Variants in FBXW7 observed in about 807,000 individuals in gnomAD.
FBXW7 encodes the protein F-box and WD repeat domain containing 7.
Under a neutral mutation model 86.3 loss-of-function variants are expected in FBXW7, and 11 were observed. That is an observed-to-expected ratio of 0.13 (90% CI 0.08 to 0.21). FBXW7 has a LOEUF of 0.21. Ranked by LOEUF, FBXW7 falls within the 10% of genes least tolerant of loss-of-function variation. FBXW7 has a pLI of 1.00. For missense variants in FBXW7, 488 were observed against 847.4 expected (o/e 0.58, Z 5.27); for synonymous variants, 313 against 297.9 (o/e 1.05, Z -0.52).
chr4:152,373,732 T>C (rs566288059), intron 4 of FBXW7, among the ~76,000 whole-genome samples: 73 of 152,160 alleles, frequency 4.8e-4, no homozygotes, highest in South Asian at 1.2e-3. Flanking sequence ...CTGACAGTAC[T>C]TTGTACGTAG....
At chr4:152,397,599 A>G (rs1178685281) in intron 4 of FBXW7, among the ~76,000 whole-genome samples, 1 of 150,222 alleles carries the variant, frequency 6.7e-6, no homozygotes, top group Non-Finnish European at 1.5e-5. Context: ...AAGAGCCTGA[A>G]CAGTCTTACT....
intron 2 of FBXW7, among the ~76,000 whole-genome samples, chr4:152,468,938 G>A (rs1743696980): frequency 1.3e-5 from 2 of 151,918 alleles, no homozygotes; most frequent in African/African-American, 4.8e-5. Flanking sequence ...CTGTTTAAGA[G>A]ATCTCTGTGG....
At chr4:152,357,324 TC>T (rs201299298) in intron 4 of FBXW7, among the ~76,000 whole-genome samples, 2,470 of 151,762 alleles carry the variant, frequency 0.016, 41 homozygotes, top group East Asian at 0.043. Flanking sequence ...AGTAGTTTTT[TC>T]TTTTTTTTTT....
intron 4 of FBXW7, among the ~76,000 whole-genome samples, chr4:152,355,561 A>G (rs1304395944): frequency 6.6e-6 from 1 of 152,168 alleles, no homozygotes; most frequent in Non-Finnish European, 1.5e-5. Flanking sequence ...TTTCATTACA[A>G]TAATTTTCAT....
rs749701779 is a variant in FBXW7, at chr4:152,323,004, C to A, written c.2001G>T (p.Gly667=). ...TGATCCGCCACACAACTCCCCCACT[C>A]CCCCCACTCTCCAATGTGACTAGGT... The part of the protein sequence containing the change: ...IRNLVTLESG[G]SGGVVWRIRA... The change falls in exon 14 of 14, where the codon GGG becomes GGT. Residue 667 remains glycine, a synonymous_variant. Coordinates refer to ENST00000281708, the MANE Select transcript of FBXW7 (RefSeq NM_001349798.2). The A allele has an allele frequency of 3.1e-6, 5 of 1,613,812 alleles. No homozygotes were observed. The highest frequency in any genetic ancestry group is 1.7e-4 in the Middle Eastern group (1 of 6,060).
chr4:152,447,830 A>C (rs949356058), intron 2 of FBXW7, among the ~76,000 whole-genome samples: 4 of 152,198 alleles, frequency 2.6e-5, no homozygotes, highest in African/African-American at 9.7e-5. Flanking sequence ...CTAGAGTCTG[A>C]AGCTAATGAA....
At chr4:152,443,777 T>C (rs1741120828) in intron 2 of FBXW7, among the ~76,000 whole-genome samples, 2 of 152,220 alleles carry the variant, frequency 1.3e-5, no homozygotes, top group African/African-American at 2.4e-5. Flanking sequence ...GGGGTCCTTA[T>C]ACTAGCTTAA....
intron 6 of FBXW7, among the ~76,000 whole-genome samples, chr4:152,338,912 T>C (rs944950108): frequency 8.5e-5 from 13 of 152,116 alleles, no homozygotes; most frequent in African/African-American, 2.9e-4. Flanking sequence ...GGTTTTCAGC[T>C]AAAAAGATCT....
intron 2 of FBXW7, among the ~76,000 whole-genome samples, chr4:152,466,094 A>G (rs1177727565): frequency 6.6e-6 from 1 of 152,210 alleles, no homozygotes; most frequent in Non-Finnish European, 1.5e-5. Context: ...TCAACCTTAC[A>G]CAGAAAGCTA....
intron 4 of FBXW7, chr4:152,352,638 C>T (rs1731936043): frequency 6.2e-7 from 1 of 1,613,502 alleles, no homozygotes; most frequent in Admixed American, 1.7e-5. Flanking sequence ...TCAGGCACGT[C>T]AGAAAAGGAA....
At position 152,535,312 on chromosome 4, in the gene FBXW7, A is replaced by AG. The variant is rs1418158595; in HGVS notation, c.-399dup. 7.1e-6 allele frequency: 2 copies of AG among 281,342 alleles called. No homozygotes were observed. The highest frequency in any genetic ancestry group is 1.3e-5 in the Non-Finnish European group (2 of 153,758). 17.4% of individuals were successfully genotyped at this position (281,342 alleles called of 1,614,324 possible). On this transcript the variant is annotated 5_prime_UTR_variant, in exon 1 of 14. Transcript: ENST00000281708. ...GCCGCCCTCGGGACTGGGGCGGGGG[A>AG]GGGGGGCTCTAGGAACTCCTCCCGG... is the stretch of plus-strand genomic sequence containing the variant.
chr4:152,529,350 T>C (rs1277812097), intron 2 of FBXW7, among the ~76,000 whole-genome samples: 1 of 152,126 alleles, frequency 6.6e-6, no homozygotes, highest in Non-Finnish European at 1.5e-5. Flanking sequence ...TTATATACTC[T>C]TTTTTTAAAA....
At chr4:152,509,248 T>C (rs1747735618) in intron 2 of FBXW7, among the ~76,000 whole-genome samples, 1 of 152,210 alleles carries the variant, frequency 6.6e-6, no homozygotes, top group African/African-American at 2.4e-5. Flanking sequence ...ATTACATGAA[T>C]GTTAATCTCC....
chr4:152,386,632 C>T (rs1189277487), intron 4 of FBXW7, among the ~76,000 whole-genome samples: 2 of 151,996 alleles, frequency 1.3e-5, no homozygotes, highest in Non-Finnish European at 2.9e-5. Context: ...ATAATTCTGT[C>T]AAAATTTTTG....
intron 2 of FBXW7, among the ~76,000 whole-genome samples, chr4:152,532,852 A>C (rs2149752018): frequency 6.6e-6 from 1 of 152,168 alleles, no homozygotes; most frequent in East Asian, 1.9e-4. Flanking sequence ...GGGACCCCAA[A>C]AACTTTGTCA....
At chr4:152,424,262 C>T (rs575999327) in intron 2 of FBXW7, among the ~76,000 whole-genome samples, 5 of 152,272 alleles carry the variant, frequency 3.3e-5, no homozygotes, top group South Asian at 2.1e-4. Flanking sequence ...CAGCCACCCA[C>T]GACTTTGATG....
intron 2 of FBXW7, among the ~76,000 whole-genome samples, chr4:152,434,900 T>C (rs1323563035): frequency 6.6e-6 from 1 of 151,958 alleles, no homozygotes; most frequent in Non-Finnish European, 1.5e-5. Flanking sequence ...TTTTCAGAAG[T>C]TCTGTAGTCA....
At chr4:152,357,437 C>A (rs752459683) in intron 4 of FBXW7, among the ~76,000 whole-genome samples, 30 of 151,836 alleles carry the variant, frequency 2.0e-4, no homozygotes, top group Non-Finnish European at 3.4e-4. Flanking sequence ...TCTCATGACT[C>A]AGCCTCCCAA....
intron 5 of FBXW7, among the ~76,000 whole-genome samples, chr4:152,349,662 T>C (rs1415487202): frequency 6.6e-6 from 1 of 151,950 alleles, no homozygotes; most frequent in Admixed American, 6.6e-5. Flanking sequence ...ACTTCACTGC[T>C]AATAAATGTA....
Sources: gnomAD v4.1 joint callset for allele counts (sites outside exome capture counted in the v4.1 genomes callset) on GRCh38, gnomAD v4.1.1 for gene constraint, MANE v1.5 for transcripts, NCBI Gene and HGNC (gene_info 2026-07-23, HGNC 2026-07-21) for gene names.